PCDHGA8: variants seen among roughly 807,000 people sequenced by gnomAD.
PCDHGA8 encodes protocadherin gamma-A8.
PCDHGA8 carries 45 observed loss-of-function variants against 59.2 expected under a neutral mutation model. That is an observed-to-expected ratio of 0.76 (90% confidence interval 0.60 to 0.98). PCDHGA8 has a LOEUF of 0.98. Among genes scored for constraint, PCDHGA8 ranks in the 50% least tolerant of loss-of-function variants. The probability of loss-of-function intolerance (pLI) is 0.00; values close to 1 mark genes in which losing one functional copy is unlikely to be tolerated. For synonymous variants in PCDHGA8, 531 were observed against 519.0 expected (o/e 1.02, Z -0.32); for missense variants, 1,257 against 1,196.2 (o/e 1.05, Z -0.75).
chr5:141,446,757 G>A (rs769049265), intron 1 of PCDHGA8, among the ~76,000 whole-genome samples: 10 of 152,158 alleles, frequency 6.6e-5, no homozygotes, highest in African/African-American at 1.4e-4. Context: ...GTGAGCCACC[G>A]CGCCCAGCCG....
At position 141,422,706 on chromosome 5, in the gene PCDHGA8, G is replaced by A. The variant is rs758922274; in HGVS notation, c.2424+27469G>A. On this transcript the variant is annotated intron_variant, in intron 1 of 3. Transcript: ENST00000398604. ...ATGCCCTGGTCACTTACTCTCTGAC[G>A]GATGACACTGTCCAGGGGGTGCCTC... The A allele has an allele frequency of 8.1e-6, 13 of 1,602,906 alleles. No homozygotes were observed. In the South Asian group the frequency reaches 1.5e-4, roughly 18 times the overall value.
In PCDHGA8 at chr5:141,432,725, G is replaced by T; in HGVS notation, c.2424+37488G>T. The T allele has an allele frequency of 6.2e-7, 1 of 1,614,014 alleles. No individual in the cohort carries two copies. On this transcript the variant is annotated intron_variant, in intron 1 of 3. Coordinates refer to ENST00000398604, the MANE Select transcript of PCDHGA8 (RefSeq NM_032088.2). The surrounding 1 kb of genome is among the most constrained non-coding windows in gnomAD (Gnocchi z 6.0). ...GGACCACGGCCAGCCCCCTCTCTCC[G>T]CCACTGTCACGCTCACCGTGGCCGT...
rs1387677265 is a variant in PCDHGA8 at position 141,486,434 on chromosome 5, T to C, written c.2425-8373T>C. 3 of 1,614,150 alleles carry C rather than the reference T, an allele frequency of 1.9e-6. No homozygotes were observed. The highest frequency in any genetic ancestry group is 2.5e-6 in the Non-Finnish European group (3 of 1,179,986). The stretch of plus-strand genomic sequence containing the variant: ...CTTGGATCGAGAGGCCAAATCTAGC[T>C]ATGACATCATGGTCACTGCTTCTGA... On this transcript the variant is annotated intron_variant, in intron 1 of 3. Coordinates refer to ENST00000398604, the MANE Select transcript of PCDHGA8 (RefSeq NM_032088.2). This position sits in a 1 kb window ranked among gnomAD's most constrained non-coding sequence, Gnocchi z 5.0.
In PCDHGA8 at chr5:141,486,748, T is replaced by C; in HGVS notation, c.2425-8059T>C. ...TTCATGCTACTCGATCCTTTGACTA[T>C]GAGCAAACCCAGACACTGCAGTTTG... is the stretch of plus-strand genomic sequence containing the variant. On this transcript the variant is annotated intron_variant, in intron 1 of 3. Coordinates refer to ENST00000398604, the MANE Select transcript of PCDHGA8 (RefSeq NM_032088.2). The surrounding 1 kb of genome is among the most constrained non-coding windows in gnomAD (Gnocchi z 5.0). 6.2e-7 allele frequency: 1 copy of C among 1,614,230 alleles called. No individual in the cohort carries two copies. The highest frequency in any genetic ancestry group is 8.5e-7 in the Non-Finnish European group (1 of 1,180,042).
rs1464961193 is a variant in PCDHGA8 at position 141,432,346 on chromosome 5, A to G, written c.2424+37109A>G. The G allele has an allele frequency of 6.2e-7, 1 of 1,614,192 alleles. No homozygotes were observed. Among genetic ancestry groups the G allele is most frequent in the African/African-American group, 1.3e-5 (1 of 75,054 alleles). On this transcript the variant is annotated intron_variant, in intron 1 of 3. Coordinates refer to ENST00000398604, the MANE Select transcript of PCDHGA8 (RefSeq NM_032088.2). This position sits in a 1 kb window ranked among gnomAD's most constrained non-coding sequence, Gnocchi z 6.0. ...ACTACGAGCAGTTCCGAGACTTGCA[A>G]GTGAAAGTGATGGCGCGGGACAACG...
chr5:141,495,644 A>C (rs767670166), intron 2 of PCDHGA8, among the ~76,000 whole-genome samples: 1 of 151,770 alleles, frequency 6.6e-6, no homozygotes, highest in African/African-American at 2.4e-5. Flanking sequence ...TCATTTGTCT[A>C]CTTGCATTGA....
rs575695102 is a variant in PCDHGA8 at position 141,421,063 on chromosome 5, G to C, written c.2424+25826G>C. 16 of 581,866 alleles carry C rather than the reference G, an allele frequency of 2.7e-5. No individual in the cohort carries two copies. The African/African-American group carries it at 2.9e-4, about 10-fold the overall frequency. 36.0% of individuals were successfully genotyped at this position (581,866 alleles called of 1,614,324 possible). A position where few individuals can be genotyped will look rare whatever the true frequency, so the allele number is the denominator to read the frequency against. ...CTCCCCCGCCTCTACCACACAAAGC[G>C]GAATGAGATGGATACTCACAGATCC... On this transcript the variant is annotated intron_variant, in intron 1 of 3. Coordinates refer to ENST00000398604, the MANE Select transcript of PCDHGA8 (RefSeq NM_032088.2).
chr5:141,485,358 G>T lies in PCDHGA8; in HGVS notation c.2425-9449G>T. 1.2e-6 allele frequency: 2 copies of T among 1,614,100 alleles called. No individual in the cohort carries two copies. Among genetic ancestry groups the T allele is most frequent in the Non-Finnish European group, 1.7e-6 (2 of 1,180,006 alleles). On this transcript the variant is annotated intron_variant, in intron 1 of 3. Coordinates refer to ENST00000398604, the MANE Select transcript of PCDHGA8 (RefSeq NM_032088.2). This position sits in a 1 kb window ranked among gnomAD's most constrained non-coding sequence, Gnocchi z 5.7. ...CTGGATACGGACAGTCTGTCAGCTC[G>T]CAGGCTGCAGGTCGCTGGAGAGGTG...
intron 1 of PCDHGA8, chr5:141,400,367 C>A (rs372561902): frequency 6.8e-5 from 110 of 1,613,946 alleles, no homozygotes; most frequent in Non-Finnish European, 8.8e-5. Flanking sequence ...TTGCCTTATT[C>A]CTACAACCTA....
intron 1 of PCDHGA8, chr5:141,418,648 A>G (rs1387887578): frequency 1.2e-6 from 2 of 1,614,036 alleles, no homozygotes; most frequent in Non-Finnish European, 1.7e-6. Flanking sequence ...CCATCCTGAG[A>G]GTGAAGGCCA....
chr5:141,418,606 T>A (rs1279991875), intron 1 of PCDHGA8: 1 of 1,614,030 alleles, frequency 6.2e-7, no homozygotes. Context: ...TGTACAGGGT[T>A]AGCCTTCGGG....
chr5:141,444,151 G>T (rs1031944414), intron 1 of PCDHGA8, among the ~76,000 whole-genome samples: 1 of 92,746 alleles, frequency 1.1e-5, no homozygotes, highest in Non-Finnish European at 2.1e-5. Flanking sequence ...GTGTGTACTG[G>T]ATTTTTTTTT....
intron 1 of PCDHGA8, chr5:141,409,824 C>A (rs1265260597): frequency 6.2e-7 from 1 of 1,610,742 alleles, no homozygotes; most frequent in Non-Finnish European, 8.5e-7. Flanking sequence ...GGCTCGCCCA[C>A]GCTCAGCGCC....
Position 141,487,315 on chromosome 5 carries a change from G to C in PCDHGA8, c.2425-7492G>C, listed in dbSNP as rs568326280. On this transcript the variant is annotated intron_variant, in intron 1 of 3. Transcript: ENST00000398604. The surrounding 1 kb of genome is among the most constrained non-coding windows in gnomAD (Gnocchi z 5.0). ...GCTCATTCGTGGCACTACTCTCTAA[G>C]TGTCTTCGTGGGGCAGCCTGTGGAG... 6.2e-7 allele frequency: 1 copy of C among 1,614,166 alleles called. No individual in the cohort carries two copies. Among genetic ancestry groups the C allele is most frequent in the Admixed American group, 1.7e-5 (1 of 60,028 alleles).
rs927273885 is a variant in PCDHGA8, at chr5:141,393,071, C to G, written c.258C>G (p.Thr86=). ...ALNPRSGSLI[T]AGRIDREELC... is the part of the protein sequence containing the mutation. ...ACCCGCGCAGCGGCAGCTTGATCACCGCGGGCAGGATAGATCGGGAGGAGC... is the reference window on the plus strand; with the variant it reads ...ACCCGCGCAGCGGCAGCTTGATCACGGCGGGCAGGATAGATCGGGAGGAGC... Residue 86 remains threonine (T), a synonymous_variant, in exon 1 of 4, where the codon ACC becomes ACG. Coordinates refer to ENST00000398604, the MANE Select transcript of PCDHGA8 (RefSeq NM_032088.2). The G allele has an allele frequency of 6.2e-7, 1 of 1,613,680 alleles. No homozygotes were observed. The highest frequency in any genetic ancestry group is 8.5e-7 in the Non-Finnish European group (1 of 1,179,900).
At chr5:141,410,340 T>G in intron 1 of PCDHGA8, 1 of 1,614,068 alleles carries the variant, frequency 6.2e-7, no homozygotes, top group Non-Finnish European at 8.5e-7. Flanking sequence ...GCCATTGCCT[T>G]GCGCCTGCGA....
At position 141,476,873 on chromosome 5, in the gene PCDHGA8, G is replaced by C; in HGVS notation, c.2425-17934G>C. On this transcript the variant is annotated intron_variant, in intron 1 of 3. Coordinates refer to ENST00000398604, the MANE Select transcript of PCDHGA8 (RefSeq NM_032088.2). This position sits in a 1 kb window ranked among gnomAD's most constrained non-coding sequence, Gnocchi z 7.6. ...CAACCAGTCCTTGTACCGGGCGCGC[G>C]TCCTGGAGGATGCACCCTCCGGCAC... 1 of 1,613,936 alleles carries C rather than the reference G, an allele frequency of 6.2e-7. No homozygotes were observed. Among genetic ancestry groups the C allele is most frequent in the South Asian group, 1.1e-5 (1 of 91,088 alleles).
chr5:141,508,091 GCCC>G (rs2099866180), intron 3 of PCDHGA8: 1 of 152,482 alleles, frequency 6.6e-6, no homozygotes, highest in Non-Finnish European at 1.5e-5. Flanking sequence ...TGCTGCCTTG[GCCC>G]TGGGATGGGG....
At chr5:141,408,563 G>T (rs1266893654) in intron 1 of PCDHGA8, 1 of 1,614,040 alleles carries the variant, frequency 6.2e-7, no homozygotes, top group South Asian at 1.1e-5. Flanking sequence ...TCATGTCATT[G>T]TGGTGATTGA....
Sources: gnomAD v4.1 joint callset for allele counts (sites outside exome capture counted in the v4.1 genomes callset) on GRCh38, gnomAD v4.1.1 for gene constraint, Gnocchi (gnomAD v3.1) non-coding constraint, MANE v1.5 for transcripts, NCBI Gene and HGNC (gene_info 2026-07-23, HGNC 2026-07-21) for gene names.